The following DPP6 variants were observed in gnomAD, a reference collection of about 807,000 sequenced individuals.
DPP6 encodes A-type potassium channel modulatory protein DPP6.
A neutral mutation model predicts 122.6 loss-of-function variants in DPP6; 69 were observed. The observed-to-expected ratio is 0.56, with a 90% CI of 0.46 to 0.69. The LOEUF (loss-of-function observed/expected upper bound fraction) is 0.69, where lower values mean the gene tolerates loss of function less well. Among genes scored for constraint, DPP6 ranks in the 30% least tolerant of loss-of-function variants. The probability of loss-of-function intolerance (pLI) is 0.00; values close to 1 mark genes in which losing one functional copy is unlikely to be tolerated. For synonymous variants in DPP6, 418 were observed against 433.1 expected (o/e 0.97, Z 0.43); for missense variants, 928 against 1,116.9 (o/e 0.83, Z 2.41).
intron 5 of DPP6, among the ~76,000 whole-genome samples, chr7:154,637,383 C>T (rs1835792765): frequency 6.6e-6 from 1 of 152,176 alleles, no homozygotes; most frequent in African/African-American, 2.4e-5. Flanking sequence ...TATTGCAACT[C>T]ACTGAAGACA....
At chr7:154,074,115 A>C (rs865837887) in intron 1 of DPP6, among the ~76,000 whole-genome samples, 3 of 84,218 alleles carry the variant, frequency 3.6e-5, no homozygotes, top group South Asian at 4.5e-4. Context: ...ATAGAGAGAT[A>C]TATATAGATA....
In DPP6 at chr7:154,144,868, C is replaced by T. The variant is rs550861539; in HGVS notation, c.243+91805C>T. On this transcript the variant is annotated intron_variant, in intron 1 of 25. Coordinates refer to ENST00000377770, the MANE Select transcript of DPP6 (RefSeq NM_130797.4). ...GTCTGCAAACCGGGAAGAGAGCCCTCACCAGAAAACAACCCCTCCAGCACC... is the reference window on the plus strand; with the variant it reads ...GTCTGCAAACCGGGAAGAGAGCCCTTACCAGAAAACAACCCCTCCAGCACC... 4.9e-3 allele frequency among the ~76,000 whole-genome samples: 741 copies of T among 151,046 alleles called. 4 individuals are homozygous for T. Among genetic ancestry groups the T allele is most frequent in the Non-Finnish European group, 8.3e-3 (563 of 67,720 alleles).
At chr7:153,995,588 C>CAAA (rs55905154) in intron 1 of DPP6, among the ~76,000 whole-genome samples, 1,205 of 88,182 alleles carry the variant, frequency 0.014, 63 homozygotes, top group Middle Eastern at 0.027. Flanking sequence ...GACTCCGTCT[C>CAAA]AAAAAAAAAA....
At chr7:154,514,707 G>A (rs1826351244) in intron 3 of DPP6, among the ~76,000 whole-genome samples, 1 of 152,172 alleles carries the variant, frequency 6.6e-6, no homozygotes, top group Non-Finnish European at 1.5e-5. Flanking sequence ...GTTGTAGCCT[G>A]TGACAGAACT....
At chr7:153,975,780 T>C (rs1796272041) in intron 1 of DPP6, among the ~76,000 whole-genome samples, 1 of 152,170 alleles carries the variant, frequency 6.6e-6, no homozygotes, top group Admixed American at 6.5e-5. Flanking sequence ...CAATATAGCA[T>C]AGACATTGAA....
At chr7:154,526,859 C>T (rs1827447289) in intron 3 of DPP6, among the ~76,000 whole-genome samples, 1 of 152,200 alleles carries the variant, frequency 6.6e-6, no homozygotes, top group South Asian at 2.1e-4. Flanking sequence ...AGGCTCCCAG[C>T]TCCTGACTTT....
chr7:154,345,902 G>A (rs566993203), intron 1 of DPP6, among the ~76,000 whole-genome samples: 16 of 152,230 alleles, frequency 1.1e-4, no homozygotes, highest in Non-Finnish European at 2.1e-4. Context: ...TCATTTCTTC[G>A]CATGCAAAGT....
intron 1 of DPP6, among the ~76,000 whole-genome samples, chr7:154,422,181 G>C (rs756880552): frequency 6.6e-6 from 1 of 152,160 alleles, no homozygotes; most frequent in Non-Finnish European, 1.5e-5. Flanking sequence ...TTGATCTCTT[G>C]GTCAAGCCTC....
the DPP6 span, among the ~76,000 whole-genome samples, chr7:153,859,676 TGAAG>T: frequency 1.3e-5 from 2 of 152,198 alleles, no homozygotes; most frequent in African/African-American, 4.8e-5. Context: ...TACGCTGCTA[TGAAG>T]AAATACCCAG....
chr7:153,956,462 A>C (rs1005342426), intron 1 of DPP6, among the ~76,000 whole-genome samples: 4 of 152,206 alleles, frequency 2.6e-5, no homozygotes, highest in Admixed American at 2.0e-4. Context: ...AGAGCATAGA[A>C]AGCCCAGGTG....
chr7:154,884,696 CACACAGGCACACATG>C, intron 21 of DPP6: 1 of 70,024 alleles, frequency 1.4e-5, no homozygotes, highest in South Asian at 3.8e-4. Flanking sequence ...CACACATGAT[CACACAGGCACACATG>C]ATCACACATA....
chr7:154,005,647 C>A (rs542952035), intron 1 of DPP6, among the ~76,000 whole-genome samples: 10 of 143,944 alleles, frequency 6.9e-5, no homozygotes, highest in African/African-American at 2.5e-4. Context: ...GCCCAGGAGG[C>A]TGGACCTCGG....
chr7:153,853,696 T>A, the DPP6 span, among the ~76,000 whole-genome samples: 2 of 152,188 alleles, frequency 1.3e-5, no homozygotes, highest in Admixed American at 6.5e-5. Flanking sequence ...TGGGTCTCAG[T>A]GGACATGGCA....
At position 154,789,795 on chromosome 7, in the gene DPP6, G is replaced by A. The variant is rs183777140; in HGVS notation, c.1137-4284G>A. 2.1e-4 allele frequency among the ~76,000 whole-genome samples: 32 copies of A among 152,292 alleles called. No homozygotes were observed. In the East Asian group the frequency reaches 2.5e-3, roughly 12 times the overall value. ...CCTTTGTCCAAAGCGTCGCTGCCTC[G>A]CAAGGTGCCTACCTTGTCCCCAGAA... On this transcript the variant is annotated intron_variant, in intron 10 of 25. Transcript: ENST00000377770.
chr7:154,182,050 C>A (rs1258411858), intron 1 of DPP6, among the ~76,000 whole-genome samples: 1 of 152,018 alleles, frequency 6.6e-6, no homozygotes, highest in Non-Finnish European at 1.5e-5. Flanking sequence ...CCGTGCCTGG[C>A]CGAAAATGCA....
chr7:153,938,469 A>C (rs1801557361), intron 1 of DPP6, among the ~76,000 whole-genome samples: 1 of 152,244 alleles, frequency 6.6e-6, no homozygotes, highest in East Asian at 1.9e-4. Flanking sequence ...AGAAGTTGAC[A>C]TTTAGATCTT....
At chr7:154,465,853 C>T (rs1821735873) in intron 2 of DPP6, among the ~76,000 whole-genome samples, 1 of 152,202 alleles carries the variant, frequency 6.6e-6, no homozygotes, top group Non-Finnish European at 1.5e-5. Flanking sequence ...CATCCCATTA[C>T]TGGGTATATA....
intron 4 of DPP6, among the ~76,000 whole-genome samples, chr7:154,562,377 G>T (rs1173730957): frequency 6.6e-6 from 1 of 152,016 alleles, no homozygotes; most frequent in Non-Finnish European, 1.5e-5. Flanking sequence ...TGCAGAAAAA[G>T]CATTTGAGAA....
chr7:154,148,063 C>T (rs572536118), intron 1 of DPP6, among the ~76,000 whole-genome samples: 1 of 149,178 alleles, frequency 6.7e-6, no homozygotes, highest in Non-Finnish European at 1.5e-5. Context: ...CAGAGCGGAC[C>T]GTGAAGGTGT....
Sources: allele counts gnomAD v4.1 joint callset (sites outside exome capture counted in the v4.1 genomes callset), GRCh38; gene constraint gnomAD v4.1.1; transcripts MANE v1.5; gene names NCBI Gene and HGNC (gene_info 2026-07-23, HGNC 2026-07-21).